The following HS6ST3 variants were observed in gnomAD, a reference collection of about 807,000 sequenced individuals.
HS6ST3 encodes the protein heparan-sulfate 6-O-sulfotransferase 3.
In HS6ST3, 12 loss-of-function variants were observed where a neutral mutation model predicts 36.7. That is an observed-to-expected ratio of 0.33 (90% confidence interval 0.21 to 0.53). The LOEUF (loss-of-function observed/expected upper bound fraction) is 0.53. HS6ST3 is among the 20% of genes least tolerant of loss of function. The probability of loss-of-function intolerance (pLI) is 0.95; values close to 1 mark genes in which losing one functional copy is unlikely to be tolerated. For missense variants in HS6ST3, 584 were observed against 640.9 expected (o/e 0.91, Z 0.96); for synonymous variants, 240 against 257.5 (o/e 0.93, Z 0.65).
chr13:96,651,584 T>C lies in HS6ST3; in HGVS notation c.708-180906T>C, dbSNP rs537742304. On this transcript the variant is annotated intron_variant, in intron 1 of 1. Coordinates refer to ENST00000376705, the MANE Select transcript of HS6ST3 (RefSeq NM_153456.4). ...GTATTTCCCTATTGGCTTGCAGAAC[T>C]CTGATTCCTTCTCCAGCTGTTAAAA... Among the ~76,000 whole-genome samples, 9 of 152,160 alleles carry C rather than the reference T, an allele frequency of 5.9e-5. No homozygotes were observed. The South Asian group carries it at 1.9e-3, about 32-fold the overall frequency.
chr13:96,531,095 CAT>C (rs1412834399), intron 1 of HS6ST3, among the ~76,000 whole-genome samples: 1 of 152,094 alleles, frequency 6.6e-6, no homozygotes, highest in Non-Finnish European at 1.5e-5. Flanking sequence ...ATATTCTAGC[CAT>C]ATCTCTTTCC....
intron 1 of HS6ST3, among the ~76,000 whole-genome samples, chr13:96,303,437 G>A (rs993750220): frequency 2.6e-5 from 4 of 152,098 alleles, no homozygotes; most frequent in African/African-American, 9.7e-5. Flanking sequence ...TTGCTTTTTT[G>A]CAAAATGGTT....
At chr13:96,663,299 G>A (rs1195213980) in intron 1 of HS6ST3, among the ~76,000 whole-genome samples, 3 of 152,182 alleles carry the variant, frequency 2.0e-5, no homozygotes, top group Non-Finnish European at 4.4e-5. Context: ...CAATGTACCT[G>A]AGAGCTGTGC....
At chr13:96,396,959 T>C (rs2055425058) in intron 1 of HS6ST3, among the ~76,000 whole-genome samples, 1 of 152,166 alleles carries the variant, frequency 6.6e-6, no homozygotes, top group African/African-American at 2.4e-5. Context: ...TCCTTGCACT[T>C]TGGGAGGCCG....
chr13:96,170,699 A>G (rs1402505157), intron 1 of HS6ST3, among the ~76,000 whole-genome samples: 1 of 152,230 alleles, frequency 6.6e-6, no homozygotes, highest in Admixed American at 6.5e-5. Flanking sequence ...GAGGAGGAAA[A>G]TGGAGATGAG....
At chr13:96,756,535 CA>C (rs1403201837) in intron 1 of HS6ST3, among the ~76,000 whole-genome samples, 3 of 151,950 alleles carry the variant, frequency 2.0e-5, no homozygotes, top group African/African-American at 4.8e-5. Flanking sequence ...TAATTTCTAC[CA>C]AAAAAACCTT....
intron 1 of HS6ST3, among the ~76,000 whole-genome samples, chr13:96,709,975 C>CT (rs1379219112): frequency 1.3e-5 from 2 of 152,180 alleles, no homozygotes; most frequent in Non-Finnish European, 2.9e-5. Context: ...AACAAGGGCT[C>CT]TAAGTGGCAG....
chr13:96,590,225 A>G (rs2138974892), intron 1 of HS6ST3, among the ~76,000 whole-genome samples: 1 of 152,244 alleles, frequency 6.6e-6, no homozygotes, highest in African/African-American at 2.4e-5. Flanking sequence ...GGTGGATAGT[A>G]TAGTAGCTCT....
At chr13:96,284,726 T>A (rs999773606) in intron 1 of HS6ST3, among the ~76,000 whole-genome samples, 3 of 152,078 alleles carry the variant, frequency 2.0e-5, no homozygotes, top group African/African-American at 7.2e-5. Flanking sequence ...TTTTCTAAGG[T>A]TTTTGTAAAG....
chr13:96,453,244 A>T (rs2055738658), intron 1 of HS6ST3, among the ~76,000 whole-genome samples: 1 of 151,948 alleles, frequency 6.6e-6, no homozygotes, highest in African/African-American at 2.4e-5. Flanking sequence ...ACGTGGATAT[A>T]TTGTGCTGTG....
chr13:96,476,641 G>A (rs191603768), intron 1 of HS6ST3, among the ~76,000 whole-genome samples: 21 of 152,308 alleles, frequency 1.4e-4, no homozygotes, highest in Admixed American at 4.6e-4. Context: ...GATTACAGGC[G>A]TGAGCCATCG....
intron 1 of HS6ST3, among the ~76,000 whole-genome samples, chr13:96,483,370 G>C (rs1364361984): frequency 2.0e-5 from 3 of 152,146 alleles, no homozygotes; most frequent in Admixed American, 6.5e-5. Context: ...TGAACTGAAA[G>C]GAGGAGAGTG....
intron 1 of HS6ST3, among the ~76,000 whole-genome samples, chr13:96,368,002 G>A (rs1221041235): frequency 1.3e-5 from 2 of 152,174 alleles, no homozygotes; most frequent in Non-Finnish European, 2.9e-5. Context: ...CGAAGAAAGT[G>A]CACAGAGCAC....
At chr13:96,248,859 T>G (rs952423744) in intron 1 of HS6ST3, among the ~76,000 whole-genome samples, 1 of 152,230 alleles carries the variant, frequency 6.6e-6, no homozygotes, top group Non-Finnish European at 1.5e-5. Context: ...ACAATTTATA[T>G]AGTAGCCTGT....
chr13:96,723,508 G>T (rs1488824061), intron 1 of HS6ST3, among the ~76,000 whole-genome samples: 1 of 152,212 alleles, frequency 6.6e-6, no homozygotes, highest in Non-Finnish European at 1.5e-5. Flanking sequence ...CTGTTATTTA[G>T]AGGTGTCCGG....
chr13:96,523,915 T>G (rs1483740632), intron 1 of HS6ST3, among the ~76,000 whole-genome samples: 2 of 152,192 alleles, frequency 1.3e-5, no homozygotes, highest in Non-Finnish European at 2.9e-5. Flanking sequence ...TGAGGAGTTG[T>G]GTTCCTTTGG....
intron 1 of HS6ST3, among the ~76,000 whole-genome samples, chr13:96,805,891 C>A (rs1878186691): frequency 6.6e-6 from 1 of 152,060 alleles, no homozygotes; most frequent in Admixed American, 6.5e-5. Context: ...AGTTCAGTTA[C>A]CAAAAAACCT....
At chr13:96,629,664 C>A (rs571598613) in intron 1 of HS6ST3, among the ~76,000 whole-genome samples, 2 of 152,072 alleles carry the variant, frequency 1.3e-5, no homozygotes, top group African/African-American at 4.8e-5. Flanking sequence ...AATATCTGTT[C>A]TTTATTTTCA....
chr13:96,784,604 G>T (rs1877599867), intron 1 of HS6ST3, among the ~76,000 whole-genome samples: 1 of 152,120 alleles, frequency 6.6e-6, no homozygotes, highest in Non-Finnish European at 1.5e-5. Flanking sequence ...TAATTAGTCA[G>T]CTGAAAATAT....
Sources: allele counts gnomAD v4.1 joint callset (sites outside exome capture counted in the v4.1 genomes callset), GRCh38; gene constraint gnomAD v4.1.1; transcripts MANE v1.5; gene names NCBI Gene and HGNC (gene_info 2026-07-23, HGNC 2026-07-21).